Variants in KIAA1328 observed in about 807,000 individuals in gnomAD.
The protein encoded by KIAA1328 is protein hinderin.
KIAA1328 carries 52 observed loss-of-function variants against 68.1 expected under a neutral mutation model. That is an observed-to-expected ratio of 0.76 (90% confidence interval 0.61 to 0.96). The LOEUF is 0.96. Among genes scored for constraint, KIAA1328 ranks in the 40% least tolerant of loss-of-function variants. The probability of loss-of-function intolerance (pLI) is 0.00; values close to 1 mark genes in which losing one functional copy is unlikely to be tolerated. For missense variants in KIAA1328, 641 were observed against 677.6 expected (o/e 0.95, Z 0.60); for synonymous variants, 232 against 239.4 (o/e 0.97, Z 0.28).
At chr18:37,078,354 T>C (rs1475841319) in intron 7 of KIAA1328, among the ~76,000 whole-genome samples, 7 of 151,884 alleles carry the variant, frequency 4.6e-5, no homozygotes, top group African/African-American at 1.7e-4. Flanking sequence ...ACTTAAACGT[T>C]AGACCTAAAA....
chr18:37,058,571 G>T (rs1320217566), intron 6 of KIAA1328, among the ~76,000 whole-genome samples: 1 of 151,942 alleles, frequency 6.6e-6, no homozygotes, highest in Non-Finnish European at 1.5e-5. Context: ...AATTTAGCCA[G>T]GTATGCAGCG....
At chr18:37,193,812 T>C in intron 9 of KIAA1328, 1 of 590,750 alleles carries the variant, frequency 1.7e-6, no homozygotes, top group Non-Finnish European at 3.0e-6. Flanking sequence ...TTCTGAAAAG[T>C]GGGTTTCCTC....
intron 4 of KIAA1328, among the ~76,000 whole-genome samples, chr18:36,844,916 G>C (rs1421873480): frequency 2.0e-5 from 3 of 151,750 alleles, no homozygotes; most frequent in South Asian, 2.1e-4. Flanking sequence ...AATTGTAAAA[G>C]TTAAATTTAC....
chr18:36,904,377 G>A (rs541569968), intron 5 of KIAA1328, among the ~76,000 whole-genome samples: 1 of 152,098 alleles, frequency 6.6e-6, no homozygotes, highest in South Asian at 2.1e-4. Flanking sequence ...TCTCTTCACA[G>A]TTTTGTCTTC....
chr18:37,126,701 C>T (rs1568440486), intron 7 of KIAA1328, among the ~76,000 whole-genome samples: 1 of 152,118 alleles, frequency 6.6e-6, no homozygotes, highest in Non-Finnish European at 1.5e-5. Flanking sequence ...CAAAAATCCT[C>T]AACTAAATAT....
chr18:37,062,690 C>T (rs550838146), intron 6 of KIAA1328, among the ~76,000 whole-genome samples: 2 of 152,202 alleles, frequency 1.3e-5, no homozygotes, highest in African/African-American at 2.4e-5. Flanking sequence ...CTCCTGACCT[C>T]GTGATCTGCC....
In KIAA1328 at chr18:37,172,982, C is replaced by G. The variant is rs1477512153; in HGVS notation, c.1424C>G (p.Thr475Arg). ...TTTATTTTTCATATAGGGACAGTGA[C>G]AGGAGTTAGAAAAGATGCGTCTACA... ...DTCRPQRGTVTGVRKDASTSP... is the reference protein window; with the variant it reads ...DTCRPQRGTVRGVRKDASTSP... The change falls in exon 9 of 10, where the codon ACA (threonine) becomes AGA (arginine). Residue 475 changes from threonine (T) to arginine (R), a missense_variant. Thr to Arg is a moderately conservative substitution (Grantham distance 71). Transcript: ENST00000280020. 2 of 1,610,572 alleles carry G rather than the reference C, an allele frequency of 1.2e-6. No individual in the cohort carries two copies. Among genetic ancestry groups the G allele is most frequent in the Non-Finnish European group, 1.7e-6 (2 of 1,178,068 alleles).
intron 6 of KIAA1328, among the ~76,000 whole-genome samples, chr18:37,031,608 T>C (rs2054832387): frequency 6.6e-6 from 1 of 152,220 alleles, no homozygotes; most frequent in South Asian, 2.1e-4. Context: ...TTTTGATTTA[T>C]AATCTAGCCA....
intron 6 of KIAA1328, among the ~76,000 whole-genome samples, chr18:36,995,530 C>A (rs966956984): frequency 2.6e-5 from 4 of 152,136 alleles, no homozygotes; most frequent in Non-Finnish European, 4.4e-5. Context: ...TCTGCCATTC[C>A]TTTACTGTAA....
At chr18:36,933,943 C>T (rs1020045057) in intron 5 of KIAA1328, among the ~76,000 whole-genome samples, 4 of 152,300 alleles carry the variant, frequency 2.6e-5, no homozygotes, top group Non-Finnish European at 4.4e-5. Flanking sequence ...GGATAGGCGC[C>T]TGTGGCCATT....
chr18:36,987,653 G>A (rs186768980), intron 6 of KIAA1328, among the ~76,000 whole-genome samples: 6 of 152,186 alleles, frequency 3.9e-5, no homozygotes, highest in African/African-American at 1.4e-4. Context: ...GAATAGTGGA[G>A]TGGGTGGAAG....
intron 4 of KIAA1328, among the ~76,000 whole-genome samples, chr18:36,863,982 C>T (rs370240645): frequency 1.9e-4 from 29 of 152,146 alleles, no homozygotes; most frequent in African/African-American, 7.0e-4. Flanking sequence ...ACTTCCTTTC[C>T]AATAGGTATC....
Position 37,054,596 on chromosome 18 carries a change from C to G in KIAA1328, c.577-12294C>G, listed in dbSNP as rs76371249. 9.5e-3 allele frequency among the ~76,000 whole-genome samples: 1,443 copies of G among 152,230 alleles called. 25 individuals are homozygous for G. The highest frequency in any genetic ancestry group is 0.034 in the African/African-American group (1,395 of 41,544). On this transcript the variant is annotated intron_variant, in intron 6 of 9. Coordinates refer to ENST00000280020, the MANE Select transcript of KIAA1328 (RefSeq NM_020776.3). Reference sequence around the variant, plus strand: ...AAATACCACACGTTCTCACTTTTAACTGGAAGCCAAACAATGAGTACACAT... The same window carrying G: ...AAATACCACACGTTCTCACTTTTAAGTGGAAGCCAAACAATGAGTACACAT...
intron 7 of KIAA1328, among the ~76,000 whole-genome samples, chr18:37,084,780 T>A (rs954261556): frequency 5.9e-5 from 9 of 152,220 alleles, no homozygotes; most frequent in Non-Finnish European, 8.8e-5. Flanking sequence ...TTCCTGTAAG[T>A]GGAATTACTA....
rs1022220081 is a variant in KIAA1328 at position 37,224,171 on chromosome 18, T to C, written c.*1944T>C. 9 of 985,284 alleles carry C rather than the reference T, an allele frequency of 9.1e-6. No individual in the cohort carries two copies. Among genetic ancestry groups the C allele is most frequent in the Non-Finnish European group, 1.1e-5 (9 of 829,940 alleles). 61.0% of individuals were successfully genotyped at this position (985,284 alleles called of 1,614,324 possible). A position where few individuals can be genotyped will look rare whatever the true frequency, so the allele number is the denominator to read the frequency against. On this transcript the variant is annotated 3_prime_UTR_variant, in exon 10 of 10. Transcript: ENST00000280020. Reference sequence around the variant, plus strand: ...CTAGCTTAAGTGTACTTGACTCCCATAGACTACTCCCATGCCCACAGTCAC... The same window carrying C: ...CTAGCTTAAGTGTACTTGACTCCCACAGACTACTCCCATGCCCACAGTCAC...
intron 8 of KIAA1328, among the ~76,000 whole-genome samples, chr18:37,166,410 C>G (rs890326165): frequency 7.2e-5 from 11 of 152,144 alleles, no homozygotes; most frequent in Admixed American, 6.5e-4. Flanking sequence ...TGTAAACTTT[C>G]TTAAAACATT....
At chr18:37,071,316 G>T (rs1438875849) in intron 7 of KIAA1328, among the ~76,000 whole-genome samples, 4 of 151,736 alleles carry the variant, frequency 2.6e-5, no homozygotes, top group East Asian at 1.9e-4. Flanking sequence ...CAAGCAATCT[G>T]CCTACCTTAT....
downstream of KIAA1328, among the ~76,000 whole-genome samples, chr18:37,226,527 T>C (rs560351236): frequency 2.6e-5 from 4 of 152,210 alleles, no homozygotes; most frequent in Admixed American, 2.6e-4. Flanking sequence ...TATCTGGACA[T>C]GTCATATTAA....
chr18:37,061,242 C>A (rs904364782), intron 6 of KIAA1328, among the ~76,000 whole-genome samples: 1 of 152,184 alleles, frequency 6.6e-6, no homozygotes, highest in African/African-American at 2.4e-5. Flanking sequence ...GAGTGACATA[C>A]TCTATGATTG....
Sources: gnomAD v4.1 joint callset for allele counts (sites outside exome capture counted in the v4.1 genomes callset) on GRCh38, gnomAD v4.1.1 for gene constraint, MANE v1.5 for transcripts, NCBI Gene and HGNC (gene_info 2026-07-23, HGNC 2026-07-21) for gene names.